The following TSNARE1 variants were observed in gnomAD, a reference collection of about 807,000 sequenced individuals.
The protein encoded by TSNARE1 is t-SNARE domain containing 1.
In TSNARE1, 49 loss-of-function variants were observed where a neutral mutation model predicts 62.0. The observed-to-expected ratio is 0.79, with a 90% CI of 0.63 to 1.00. TSNARE1 has a LOEUF of 1.00. Among genes scored for constraint, TSNARE1 ranks in the 50% least tolerant of loss-of-function variants. The pLI is 0.00. For missense variants in TSNARE1, 755 were observed against 700.1 expected, an observed-to-expected ratio of 1.08 and a Z score of -0.88; for synonymous variants, 328 against 294.4, an observed-to-expected ratio of 1.11 and a Z score of -1.17.
At chr8:142,226,517 C>T (rs1816781636) in intron 13 of TSNARE1, among the ~76,000 whole-genome samples, 1 of 152,166 alleles carries the variant, frequency 6.6e-6, no homozygotes, top group Non-Finnish European at 1.5e-5. Flanking sequence ...GGACTCAGAG[C>T]TGGGAGGGGG....
chr8:142,358,308 G>A (rs1366590807), intron 1 of TSNARE1, among the ~76,000 whole-genome samples: 1 of 151,984 alleles, frequency 6.6e-6, no homozygotes, highest in African/African-American at 2.4e-5. Flanking sequence ...TCACTGCAAA[G>A]GGCGGCAGGG....
Position 142,300,421 on chromosome 8 carries a change from C to A in TSNARE1, c.1290+65G>T, listed in dbSNP as rs142038655. On this transcript the variant is annotated intron_variant, in intron 10 of 13. Transcript: ENST00000524325. The stretch of plus-strand genomic sequence containing the variant: ...ATGGTGCAGCAGGCTGGCACCTGGG[C>A]TCCTCTGGTTCCCAGCCTCATGTGG... 1.1e-4 allele frequency: 169 copies of A among 1,520,940 alleles called. No homozygotes were observed. In the African/African-American group the frequency reaches 2.0e-3, roughly 18 times the overall value. The allele number at this position is 1,520,940 out of a possible 1,614,324, so 94.2% of individuals were successfully genotyped here.
At chr8:142,313,354 ATG>A (rs1299069058) in intron 9 of TSNARE1, among the ~76,000 whole-genome samples, 1 of 144,036 alleles carries the variant, frequency 6.9e-6, no homozygotes, top group Non-Finnish European at 1.5e-5. Context: ...GTGTCTCTAC[ATG>A]TCTCTTTATC....
chr8:142,218,135 C>A (rs1816017746), intron 13 of TSNARE1, among the ~76,000 whole-genome samples: 1 of 123,754 alleles, frequency 8.1e-6, no homozygotes, highest in Non-Finnish European at 1.7e-5. Context: ...CTCCGTGTGA[C>A]CAGGATCAGG....
chr8:142,385,038 G>A (rs184211486), intron 1 of TSNARE1, among the ~76,000 whole-genome samples: 3 of 151,782 alleles, frequency 2.0e-5, no homozygotes, highest in Non-Finnish European at 2.9e-5. Context: ...CAAGAAAAGC[G>A]AATTAAATGA....
rs562852050 is a variant in TSNARE1 at position 142,342,025 on chromosome 8, A to G, written c.745+1941T>C. 2.7e-3 allele frequency among the ~76,000 whole-genome samples: 416 copies of G among 152,336 alleles called. 4 individuals are homozygous for G. The highest frequency in any genetic ancestry group is 9.4e-3 in the African/African-American group (390 of 41,574). ...AGGGGCTGACCCCACTGCTGGGGCG[A>G]CTGAGCCACTACAGCGGCTGCCAGA... On this transcript the variant is annotated intron_variant, in intron 4 of 13. Coordinates refer to ENST00000524325, the MANE Select transcript of TSNARE1 (RefSeq NM_145003.5).
chr8:142,226,622 A>G (rs1816787590), intron 13 of TSNARE1, among the ~76,000 whole-genome samples: 1 of 152,134 alleles, frequency 6.6e-6, no homozygotes, highest in African/African-American at 2.4e-5. Context: ...CCTCTGGCTA[A>G]AGAGCACTGG....
In TSNARE1 at chr8:142,294,648, G is replaced by A. The variant is rs560292758; in HGVS notation, c.1290+5838C>T. ...GCCAAGGCCAAGAGGAGATGGGGCC[G>A]GTCAGCAGGGTCCATACAGGGCCGG... On this transcript the variant is annotated intron_variant, in intron 10 of 13. Transcript: ENST00000524325. Among the ~76,000 whole-genome samples the A allele has an allele frequency of 4.6e-5, 7 of 152,336 alleles. No homozygotes were observed. In the South Asian group the frequency reaches 1.2e-3, roughly 27 times the overall value.
At chr8:142,373,573 C>T (rs1235882595) in intron 1 of TSNARE1, among the ~76,000 whole-genome samples, 1 of 152,142 alleles carries the variant, frequency 6.6e-6, no homozygotes, top group African/African-American at 2.4e-5. Flanking sequence ...GAGACCACAC[C>T]ACCATCCTAC....
At chr8:142,294,499 G>C (rs977292413) in intron 10 of TSNARE1, among the ~76,000 whole-genome samples, 2 of 152,214 alleles carry the variant, frequency 1.3e-5, no homozygotes, top group African/African-American at 4.8e-5. Context: ...CATGGTTCTG[G>C]CCTGGGCTCC....
At chr8:142,284,373 T>C in intron 11 of TSNARE1, 40 bp downstream of exon 11, 3 of 1,565,016 alleles carry the variant, frequency 1.9e-6, no homozygotes, top group Non-Finnish European at 2.6e-6. Context: ...AGGCAGGCCC[T>C]CGGGGCAGCA....
intron 13 of TSNARE1, among the ~76,000 whole-genome samples, chr8:142,222,669 C>T (rs1816414771): frequency 7.1e-6 from 1 of 140,390 alleles, no homozygotes; most frequent in Non-Finnish European, 1.5e-5. Context: ...TTCACTCACT[C>T]ACTCATCCAC....
intron 12 of TSNARE1, among the ~76,000 whole-genome samples, chr8:142,238,106 A>T (rs989622114): frequency 6.6e-6 from 1 of 151,770 alleles, no homozygotes; most frequent in Non-Finnish European, 1.5e-5. Context: ...TGACTGCGTT[A>T]CCCGCCCCCC....
intron 1 of TSNARE1, chr8:142,366,067 A>T (rs559271609): frequency 1.4e-5 from 5 of 350,538 alleles, no homozygotes; most frequent in African/African-American, 8.9e-5. Flanking sequence ...TTTTTTTGAG[A>T]AGGCTGTTGA....
At chr8:142,282,522 C>T (rs72499112) in intron 11 of TSNARE1, among the ~76,000 whole-genome samples, 18,005 of 124,560 alleles carry the variant, frequency 0.14, 3 homozygotes, top group African/African-American at 0.22. Context: ...CGAGCAGAGG[C>T]GGGGTCAGTG....
chr8:142,306,860 G>C (rs1465303875), intron 9 of TSNARE1, among the ~76,000 whole-genome samples: 4 of 152,208 alleles, frequency 2.6e-5, no homozygotes, highest in African/African-American at 7.2e-5. Context: ...TTCAATGCCA[G>C]GTGCAAAGGA....
intron 13 of TSNARE1, among the ~76,000 whole-genome samples, chr8:142,225,424 C>T (rs1297011135): frequency 2.6e-5 from 4 of 152,188 alleles, no homozygotes; most frequent in Admixed American, 1.3e-4. Flanking sequence ...CTAACCCTCC[C>T]CTCCCTCCCC....
intron 13 of TSNARE1, among the ~76,000 whole-genome samples, chr8:142,223,205 T>TTC: frequency 8.5e-6 from 1 of 117,048 alleles, no homozygotes; most frequent in East Asian, 3.0e-4. Flanking sequence ...CACTCACTCA[T>TTC]ACTCATTCAC....
chr8:142,251,010 T>C (rs1818132664), intron 12 of TSNARE1, among the ~76,000 whole-genome samples: 1 of 152,202 alleles, frequency 6.6e-6, no homozygotes, highest in Non-Finnish European at 1.5e-5. Context: ...CGGGCTGTCA[T>C]GGGAGCTGCC....
Sources: allele counts gnomAD v4.1 joint callset (sites outside exome capture counted in the v4.1 genomes callset), GRCh38; gene constraint gnomAD v4.1.1; transcripts MANE v1.5; gene names NCBI Gene and HGNC (gene_info 2026-07-23, HGNC 2026-07-21).